The following EXT2 variants were observed in gnomAD, a reference collection of about 807,000 sequenced individuals.
The protein encoded by EXT2 is exostosin-2.
A neutral mutation model predicts 81.6 loss-of-function variants in EXT2; 53 were observed. The ratio of observed to expected loss-of-function variants is 0.65; its 90% CI spans 0.52 to 0.82. The LOEUF is 0.82. EXT2 is among the 40% of genes least tolerant of loss of function. The pLI is 0.00. For synonymous variants in EXT2, 320 were observed against 340.0 expected, an observed-to-expected ratio of 0.94 and a Z score of 0.65; for missense variants, 774 against 910.2, an observed-to-expected ratio of 0.85 and a Z score of 1.93.
intron 8 of EXT2, among the ~76,000 whole-genome samples, chr11:44,173,563 C>CTTTTTTTTTTTTTTTTTTTTTT (rs66702988): frequency 5.0e-5 from 5 of 100,070 alleles, no homozygotes; most frequent in African/African-American, 1.0e-4. Context: ...TTCTTTCTTT[C>CTTTTTTTTTTTTTTTTTTTTTT]TTTTTTTTTT....
At chr11:44,212,279 C>A (rs930055518) in intron 10 of EXT2, among the ~76,000 whole-genome samples, 8 of 144,016 alleles carry the variant, frequency 5.6e-5, no homozygotes, top group African/African-American at 1.6e-4. Context: ...TGAGAGACTC[C>A]GTCTTAAAAA....
At chr11:44,201,696 C>CT (rs1955524194) in intron 9 of EXT2, among the ~76,000 whole-genome samples, 1 of 152,126 alleles carries the variant, frequency 6.6e-6, no homozygotes, top group East Asian at 1.9e-4. Flanking sequence ...AAAAGTAAAT[C>CT]TATTTTTTTG....
In EXT2 at chr11:44,239,003, G is replaced by A. The variant is rs73539705; in HGVS notation, c.2018+2628G>A. On this transcript the variant is annotated intron_variant, in intron 13 of 13. Transcript: ENST00000533608. ...GTATTGCTTTGAGATTAATTTGGAAGTAATGCACAGGGTGGAATGAAGAGT... is the reference window on the plus strand; with the variant it reads ...GTATTGCTTTGAGATTAATTTGGAAATAATGCACAGGGTGGAATGAAGAGT... Among the ~76,000 whole-genome samples, 1,019 of 152,318 alleles carry A rather than the reference G, an allele frequency of 6.7e-3. 15 individuals are homozygous for A. The highest frequency in any genetic ancestry group is 0.022 in the African/African-American group (922 of 41,564).
intron 7 of EXT2, among the ~76,000 whole-genome samples, chr11:44,167,406 G>A (rs1179544266): frequency 2.6e-5 from 4 of 152,142 alleles, no homozygotes; most frequent in Non-Finnish European, 4.4e-5. Context: ...GGCCTGCCAA[G>A]GTAGAGGGGC....
chr11:44,207,299 C>T (rs1456824628), intron 10 of EXT2, among the ~76,000 whole-genome samples: 2 of 152,214 alleles, frequency 1.3e-5, no homozygotes, highest in Non-Finnish European at 2.9e-5. Flanking sequence ...CAGCTAGGCG[C>T]TGCAACAATA....
intron 3 of EXT2, among the ~76,000 whole-genome samples, chr11:44,112,653 A>C (rs1954162171): frequency 6.6e-6 from 1 of 152,134 alleles, no homozygotes; most frequent in African/African-American, 2.4e-5. Flanking sequence ...GCTCTTTTTG[A>C]GATGACAAAC....
intron 8 of EXT2, among the ~76,000 whole-genome samples, chr11:44,172,325 GA>G: frequency 6.6e-6 from 1 of 152,280 alleles, no homozygotes; most frequent in Non-Finnish European, 1.5e-5. Context: ...CTCCTTGTGT[GA>G]AGGAATCACA....
chr11:44,243,036 G>A (rs771956564), intron 13 of EXT2, among the ~76,000 whole-genome samples: 6 of 152,180 alleles, frequency 3.9e-5, no homozygotes, highest in Non-Finnish European at 7.3e-5. Context: ...GGTGTTGGTG[G>A]ACATGATGAT....
chr11:44,113,982 G>A (rs566128628), intron 3 of EXT2, among the ~76,000 whole-genome samples: 4 of 152,162 alleles, frequency 2.6e-5, no homozygotes, highest in African/African-American at 4.8e-5. Flanking sequence ...TTAGGACCCC[G>A]GGGGAAGGCT....
intron 7 of EXT2, among the ~76,000 whole-genome samples, chr11:44,165,549 C>G (rs1456845618): frequency 6.6e-6 from 1 of 152,178 alleles, no homozygotes; most frequent in Non-Finnish European, 1.5e-5. Flanking sequence ...ATTAGAAGTT[C>G]AGTTGTGCAT....
chr11:44,147,515 G>A (rs1303705223), intron 7 of EXT2, among the ~76,000 whole-genome samples: 1 of 152,100 alleles, frequency 6.6e-6, no homozygotes, highest in African/African-American at 2.4e-5. Flanking sequence ...CATATTATAT[G>A]CATTAATTAT....
intron 6 of EXT2, among the ~76,000 whole-genome samples, chr11:44,128,898 G>A (rs1164253195): frequency 6.6e-6 from 1 of 152,192 alleles, no homozygotes; most frequent in African/African-American, 2.4e-5. Context: ...AATATACCAG[G>A]TGCTGAGGAT....
intron 7 of EXT2, 150 bp from the exon 8 acceptor site, chr11:44,171,461 A>C: frequency 1.8e-6 from 2 of 1,129,788 alleles, no homozygotes; most frequent in Non-Finnish European, 2.6e-6. Context: ...AGCTGGCTTG[A>C]ACAGCAGGGA....
intron 6 of EXT2, among the ~76,000 whole-genome samples, chr11:44,129,740 G>A (rs1954462858): frequency 6.6e-6 from 1 of 152,258 alleles, no homozygotes; most frequent in Non-Finnish European, 1.5e-5. Context: ...GTAGGGCAGA[G>A]CATGGTGTGT....
At chr11:44,166,891 AC>A (rs1295963621) in intron 7 of EXT2, among the ~76,000 whole-genome samples, 1 of 152,202 alleles carries the variant, frequency 6.6e-6, no homozygotes, top group African/African-American at 2.4e-5. Flanking sequence ...ACTATATTGG[AC>A]CAGGAAAGAA....
chr11:44,230,256 A>T (rs1055711592), intron 10 of EXT2, among the ~76,000 whole-genome samples: 9 of 152,302 alleles, frequency 5.9e-5, no homozygotes, highest in Non-Finnish European at 1.2e-4. Context: ...GAAGAACAGA[A>T]GGGCCACTGG....
chr11:44,203,135 G>A (rs1364919321), intron 9 of EXT2, among the ~76,000 whole-genome samples: 1 of 152,128 alleles, frequency 6.6e-6, no homozygotes, highest in African/African-American at 2.4e-5. Flanking sequence ...TAACTCTAGA[G>A]ACCATAGAGA....
intron 7 of EXT2, among the ~76,000 whole-genome samples, chr11:44,139,605 C>G (rs532730011): frequency 1.3e-5 from 2 of 152,302 alleles, no homozygotes; most frequent in East Asian, 3.9e-4. Context: ...TCCCTTCCCC[C>G]ATTTCTTTCT....
intron 7 of EXT2, among the ~76,000 whole-genome samples, chr11:44,146,494 G>T (rs1318265240): frequency 5.9e-5 from 9 of 152,198 alleles, no homozygotes; most frequent in Admixed American, 1.3e-4. Flanking sequence ...TAGTCATGGT[G>T]TAAGGCCAGA....
Sources: allele counts gnomAD v4.1 joint callset (sites outside exome capture counted in the v4.1 genomes callset), GRCh38; gene constraint gnomAD v4.1.1; transcripts MANE v1.5; gene names NCBI Gene and HGNC (gene_info 2026-07-23, HGNC 2026-07-21).